TXLNG: variants seen among roughly 807,000 people sequenced by gnomAD.
The protein encoded by TXLNG is gamma-taxilin.
TXLNG carries 5 observed loss-of-function variants against 38.8 expected under a neutral mutation model. The observed-to-expected ratio is 0.13, with a 90% CI of 0.07 to 0.27. TXLNG has a LOEUF of 0.27. Among genes scored for constraint, TXLNG ranks in the 10% least tolerant of loss-of-function variants. The pLI, the probability that TXLNG is intolerant of heterozygous loss-of-function variation, is 1.00. For synonymous variants in TXLNG, 182 were observed against 158.2 expected (o/e 1.15, Z -1.13); for missense variants, 393 against 398.2 (o/e 0.99, Z 0.11).
chrX:16,830,830 CGT>C (rs1186714021), intron 5 of TXLNG, among the ~76,000 whole-genome samples: 2,994 of 37,837 alleles, frequency 0.079, 148 homozygotes, highest in Middle Eastern at 0.15. Context: ...ACCGTAATTC[CGT>C]GTGTGTGTGT....
At chrX:16,800,251 A>T (rs1258055915) in intron 1 of TXLNG, among the ~76,000 whole-genome samples, 2 of 111,084 alleles carry the variant, frequency 1.8e-5, no homozygotes, top group Admixed American at 9.6e-5. Context: ...CTTTATTATT[A>T]TTTTTAATTT....
intron 9 of TXLNG, among the ~76,000 whole-genome samples, chrX:16,840,992 C>G (rs1284690395): frequency 9.0e-6 from 1 of 111,032 alleles, no homozygotes; most frequent in Admixed American, 9.6e-5. Flanking sequence ...GTCAGGAAAT[C>G]AAGACCATCC....
At chrX:16,811,804 A>G (rs971544816) in intron 1 of TXLNG, among the ~76,000 whole-genome samples, 3 of 106,220 alleles carry the variant, frequency 2.8e-5, no homozygotes, top group Non-Finnish European at 5.8e-5. Context: ...ACACCCAGCT[A>G]ATTTTTATGT....
At chrX:16,841,008 A>T (rs1017020923) in intron 9 of TXLNG, among the ~76,000 whole-genome samples, 2 of 110,885 alleles carry the variant, frequency 1.8e-5, no homozygotes, top group African/African-American at 6.6e-5. Flanking sequence ...CATCCTGGCC[A>T]ACATGGTGAA....
chrX:16,842,068 C>G lies in TXLNG; in HGVS notation c.*302C>G. 3 of 228,556 alleles carry G rather than the reference C, an allele frequency of 1.3e-5. No homozygotes were observed. The highest frequency in any genetic ancestry group is 2.4e-5 in the Non-Finnish European group (3 of 127,263). 18.8% of individuals were successfully genotyped at this position (228,556 alleles called of 1,213,427 possible). On this transcript the variant is annotated 3_prime_UTR_variant, in exon 10 of 10. Coordinates refer to ENST00000380122, the MANE Select transcript of TXLNG (RefSeq NM_018360.3). ...CATTATCATCCTAATGAAAATTTCA[C>G]TGACAGGGCCGACCATTACAAGGGA...
At chrX:16,828,958 C>T (rs1292152169) in intron 4 of TXLNG, among the ~76,000 whole-genome samples, 1 of 111,382 alleles carries the variant, frequency 9.0e-6, no homozygotes, top group Non-Finnish European at 1.9e-5. Context: ...AATGGATCTT[C>T]ACCTGGTATG....
intron 1 of TXLNG, among the ~76,000 whole-genome samples, chrX:16,790,218 A>G (rs1341400142): frequency 8.9e-6 from 1 of 111,853 alleles, no homozygotes; most frequent in Admixed American, 9.6e-5. Flanking sequence ...CTCTGGTGCT[A>G]TATATTCTAT....
At chrX:16,840,039 C>T (rs376336561) in intron 9 of TXLNG, 123 bp downstream of exon 9, 36 of 490,446 alleles carry the variant, frequency 7.3e-5, no homozygotes, top group African/African-American at 2.5e-4. Flanking sequence ...CTCCAGCCCG[C>T]GTTGGGGCGG....
At chrX:16,840,291 G>A (rs1261663563) in intron 9 of TXLNG, among the ~76,000 whole-genome samples, 1 of 112,667 alleles carries the variant, frequency 8.9e-6, no homozygotes, top group Non-Finnish European at 1.9e-5. Context: ...CAGAGGCTGA[G>A]TCACTAGTTC....
rs1929459658 is a variant in TXLNG, at chrX:16,832,731, G to C, written c.973G>C (p.Glu325Gln). The C allele has an allele frequency of 8.4e-7, 1 of 1,195,457 alleles. No individual in the cohort carries two copies. Among genetic ancestry groups the C allele is most frequent in the South Asian group, 1.8e-5 (1 of 54,350 alleles). ...AGAAGCTGATGAAAAACATCAGAGA[G>C]AGAGAGAGTTTGTAAGTTCTACTTC... is the stretch of plus-strand genomic sequence containing the variant. ...IKEADEKHQR[E>Q]REFLLKEATE... The change falls in exon 6 of 10, where the codon GAG (glutamate) becomes CAG (glutamine). Residue 325 changes from glutamate (E) to glutamine (Q), a missense_variant. Coordinates refer to ENST00000380122, the MANE Select transcript of TXLNG (RefSeq NM_018360.3).
intron 7 of TXLNG, among the ~76,000 whole-genome samples, chrX:16,835,192 G>T (rs1929547870): frequency 9.0e-6 from 1 of 111,238 alleles, no homozygotes; most frequent in African/African-American, 3.3e-5. Context: ...ACATTTGGCT[G>T]AAAGAAGTGT....
At position 16,797,845 on chromosome X, in the gene TXLNG, T is replaced by A. The variant is rs182520311; in HGVS notation, c.102+11256T>A. On this transcript the variant is annotated intron_variant, in intron 1 of 9. Transcript: ENST00000380122. ...ATACATGTTAACATAAGTAACATTT[T>A]AAAAAAATTAAAAATAGCTGATTTT... Among the ~76,000 whole-genome samples the A allele has an allele frequency of 5.4e-3, 604 of 112,677 alleles. 7 individuals carry two copies. Among genetic ancestry groups the A allele is most frequent in the African/African-American group, 0.018 (566 of 31,071 alleles).
At chrX:16,798,377 CTGT>C (rs902222213) in intron 1 of TXLNG, among the ~76,000 whole-genome samples, 1 of 111,979 alleles carries the variant, frequency 8.9e-6, no homozygotes, top group African/African-American at 3.2e-5. Context: ...GCAACAAGTA[CTGT>C]TGTTTGCTTG....
rs1433317490 is a variant in TXLNG, at chrX:16,821,616, T to A, written c.498+1361T>A. On this transcript the variant is annotated intron_variant, in intron 3 of 9. Transcript: ENST00000380122. The stretch of plus-strand genomic sequence containing the variant: ...TAGGTGAATTATCATGTACAATTTA[T>A]ATGCATCTTCATCTGTTAAAACAGT... 6.2e-5 allele frequency among the ~76,000 whole-genome samples: 7 copies of A among 112,910 alleles called. No homozygotes were observed. In the Admixed American group the frequency reaches 6.6e-4, roughly 11 times the overall value.
intron 9 of TXLNG, 131 bp downstream of exon 9, chrX:16,840,047 C>A: frequency 2.2e-6 from 1 of 460,386 alleles, no homozygotes; most frequent in East Asian, 4.0e-5. Context: ...CGCGTTGGGG[C>A]GGGGGTGGGG....
intron 1 of TXLNG, among the ~76,000 whole-genome samples, chrX:16,788,358 A>G (rs1378114381): frequency 8.9e-6 from 1 of 112,059 alleles, no homozygotes; most frequent in African/African-American, 3.2e-5. Context: ...AGGAATAGTC[A>G]TGTGTGTGTC....
chrX:16,817,686 G>A (rs1238785952), intron 1 of TXLNG, among the ~76,000 whole-genome samples: 1 of 112,120 alleles, frequency 8.9e-6, no homozygotes, highest in African/African-American at 3.2e-5. Flanking sequence ...AACTCAAATA[G>A]GGTTAACAAT....
At chrX:16,814,811 CTG>C (rs1486281015) in intron 1 of TXLNG, among the ~76,000 whole-genome samples, 2 of 111,648 alleles carry the variant, frequency 1.8e-5, no homozygotes, top group Non-Finnish European at 3.8e-5. Flanking sequence ...GCAAAGTTGA[CTG>C]TGGTAATGTT....
At chrX:16,804,082 G>A (rs1276022319) in intron 1 of TXLNG, among the ~76,000 whole-genome samples, 1 of 112,158 alleles carries the variant, frequency 8.9e-6, no homozygotes, top group Non-Finnish European at 1.9e-5. Context: ...TTCTAGGTCC[G>A]CAATCCACAC....
Sources: gnomAD v4.1 joint callset for allele counts (sites outside exome capture counted in the v4.1 genomes callset) on GRCh38, gnomAD v4.1.1 for gene constraint, MANE v1.5 for transcripts, NCBI Gene and HGNC (gene_info 2026-07-23, HGNC 2026-07-21) for gene names.